The following ARHGAP42 variants were observed in gnomAD, a reference collection of about 807,000 sequenced individuals.
ARHGAP42 encodes rho GTPase-activating protein 42.
In ARHGAP42, 63 loss-of-function variants were observed where a neutral mutation model predicts 125.0. The observed-to-expected ratio is 0.50, with a 90% CI of 0.41 to 0.62. The LOEUF is 0.62. Ranked by LOEUF, ARHGAP42 falls within the 20% of genes least tolerant of loss-of-function variation. The pLI, the probability that ARHGAP42 is intolerant of heterozygous loss-of-function variation, is 0.00. For missense variants in ARHGAP42, 766 were observed against 1,024.2 expected, an observed-to-expected ratio of 0.75 and a Z score of 3.44; for synonymous variants, 339 against 351.0, an observed-to-expected ratio of 0.97 and a Z score of 0.38.
At chr11:100,748,968 GTCTC>G (rs1565553936) in intron 1 of ARHGAP42, among the ~76,000 whole-genome samples, 1 of 151,592 alleles carries the variant, frequency 6.6e-6, no homozygotes, top group Non-Finnish European at 1.5e-5. Context: ...CTCCCTCTTT[GTCTC>G]TCTGTCTCTT....
chr11:100,761,514 C>A (rs1451541207), intron 1 of ARHGAP42, among the ~76,000 whole-genome samples: 1 of 152,114 alleles, frequency 6.6e-6, no homozygotes, highest in Admixed American at 6.5e-5. Flanking sequence ...TGTGGTTTTT[C>A]ATTTTTAATT....
At chr11:100,751,651 T>A (rs1267733211) in intron 1 of ARHGAP42, among the ~76,000 whole-genome samples, 1 of 151,702 alleles carries the variant, frequency 6.6e-6, no homozygotes, top group Non-Finnish European at 1.5e-5. Context: ...TGAAACACAC[T>A]GAGGTCTTAA....
intron 12 of ARHGAP42, among the ~76,000 whole-genome samples, chr11:100,951,401 T>A (rs1314050011): frequency 6.6e-6 from 1 of 152,182 alleles, no homozygotes; most frequent in East Asian, 1.9e-4. Context: ...ATGTTCATTC[T>A]AAATAATTAC....
intron 2 of ARHGAP42, among the ~76,000 whole-genome samples, chr11:100,777,936 G>T (rs1727259040): frequency 6.6e-6 from 1 of 152,114 alleles, no homozygotes; most frequent in African/African-American, 2.4e-5. Context: ...TAATCCTAGT[G>T]CTTGCAGAAG....
At chr11:100,776,878 G>C (rs1591172321) in intron 2 of ARHGAP42, among the ~76,000 whole-genome samples, 3 of 151,490 alleles carry the variant, frequency 2.0e-5, no homozygotes, top group Admixed American at 1.3e-4. Context: ...AGCTACTCGG[G>C]AAGCTGAGGC....
In ARHGAP42 at chr11:100,989,017, A is replaced by G. The variant is rs1320321059; in HGVS notation, c.*216A>G. 3 of 492,930 alleles carry G rather than the reference A, an allele frequency of 6.1e-6. No homozygotes were observed. The highest frequency in any genetic ancestry group is 1.1e-5 in the Non-Finnish European group (3 of 275,044). 30.5% of individuals were successfully genotyped at this position (492,930 alleles called of 1,614,324 possible). A position where few individuals can be genotyped will look rare whatever the true frequency, so the allele number is the denominator to read the frequency against. On this transcript the variant is annotated 3_prime_UTR_variant, in exon 24 of 24. Transcript: ENST00000298815. Reference sequence around the variant, plus strand: ...TTTGGTTGGTTTCTTATTTTAAAATATCTTACTTGTGAAAAATGTGTTTTT... The same window carrying G: ...TTTGGTTGGTTTCTTATTTTAAAATGTCTTACTTGTGAAAAATGTGTTTTT...
intron 14 of ARHGAP42, 62 bp downstream of exon 14, chr11:100,961,051 G>A (rs1018280242): frequency 1.5e-5 from 16 of 1,062,176 alleles, no homozygotes; most frequent in Admixed American, 1.4e-4. Flanking sequence ...CTAAAGTATG[G>A]ACTTCTTTGA....
At position 100,921,446 on chromosome 11, in the gene ARHGAP42, C is replaced by CTCTCTA. The variant is rs763783297; in HGVS notation, c.487-46_487-41dup. Reference sequence around the variant, plus strand: ...AGATACCAGAGCAGGAATTGAGTCCCTCTCTATGTAGAACCATCAGTAATC... The same window carrying CTCTCTA: ...AGATACCAGAGCAGGAATTGAGTCCCTCTCTATCTCTATGTAGAACCATCAGTAATC... On this transcript the variant is annotated intron_variant, in intron 5 of 23. Coordinates refer to ENST00000298815, the MANE Select transcript of ARHGAP42 (RefSeq NM_152432.4). 4.5e-6 allele frequency: 6 copies of CTCTCTA among 1,328,976 alleles called. No individual in the cohort carries two copies. In the African/African-American group the frequency reaches 9.1e-5, roughly 20 times the overall value. 82.3% of individuals were successfully genotyped at this position (1,328,976 alleles called of 1,614,324 possible).
intron 1 of ARHGAP42, among the ~76,000 whole-genome samples, chr11:100,715,216 G>GA (rs1367357428): frequency 2.0e-5 from 3 of 152,094 alleles, no homozygotes; most frequent in African/African-American, 7.2e-5. Context: ...AAACTTGGTG[G>GA]AAGAAGTATT....
chr11:100,687,924 C>T, intron 1 of ARHGAP42, 92 bp downstream of exon 1: 1 of 1,377,750 alleles, frequency 7.3e-7, no homozygotes, highest in Non-Finnish European at 9.7e-7. Flanking sequence ...GTCGGAGCTT[C>T]TTTTGTTTGA....
chr11:100,962,326 C>T (rs1487197723), intron 15 of ARHGAP42, 83 bp from the exon 16 acceptor site: 3 of 1,071,822 alleles, frequency 2.8e-6, no homozygotes, highest in East Asian at 2.7e-5. Context: ...TAACAGTCAC[C>T]TAATTCTTAA....
intron 22 of ARHGAP42, among the ~76,000 whole-genome samples, chr11:100,985,727 C>A (rs561673153): frequency 7.2e-4 from 110 of 152,208 alleles, no homozygotes; most frequent in Non-Finnish European, 1.5e-3. Flanking sequence ...TCTGAAAGTA[C>A]AGCCTGAGGC....
Position 100,964,763 on chromosome 11 carries a change from A to ATGGT in ARHGAP42, c.1445-905_1445-904insTTGG, listed in dbSNP as rs1361919103. ...ACATTTTACATTTACCGTTGTCATTATGGGCTAAAAATCTGTTGGGCTTGT... is the reference window on the plus strand; with the variant it reads ...ACATTTTACATTTACCGTTGTCATTATGGTTGGGCTAAAAATCTGTTGGGCTTGT... On this transcript the variant is annotated intron_variant, in intron 16 of 23. Coordinates refer to ENST00000298815, the MANE Select transcript of ARHGAP42 (RefSeq NM_152432.4). Among the ~76,000 whole-genome samples, 4 of 152,282 alleles carry ATGGT rather than the reference A, an allele frequency of 2.6e-5. No homozygotes were observed. The South Asian group carries it at 8.3e-4, about 32-fold the overall frequency.
intron 4 of ARHGAP42, among the ~76,000 whole-genome samples, chr11:100,862,176 C>T (rs1043909903): frequency 3.9e-5 from 6 of 152,092 alleles, no homozygotes; most frequent in Non-Finnish European, 7.4e-5. Context: ...AGTGTTATAC[C>T]TGCTTACAAA....
In ARHGAP42 at chr11:100,965,795, T is replaced by C; in HGVS notation, c.1550+19T>C. 6.5e-7 allele frequency: 1 copy of C among 1,529,288 alleles called. No homozygotes were observed. The highest frequency in any genetic ancestry group is 8.9e-7 in the Non-Finnish European group (1 of 1,127,094). The allele number at this position is 1,529,288 out of a possible 1,614,324, so 94.7% of individuals were successfully genotyped here. On this transcript the variant is annotated intron_variant, in intron 17 of 23. Coordinates refer to ENST00000298815, the MANE Select transcript of ARHGAP42 (RefSeq NM_152432.4). ...TGGTCAAGTAATTCTCTAACTTACA[T>C]TGTTCATTTAACTTATTGTTCATTG...
At chr11:100,899,969 T>C (rs540762808) in intron 4 of ARHGAP42, among the ~76,000 whole-genome samples, 2 of 152,294 alleles carry the variant, frequency 1.3e-5, no homozygotes, top group South Asian at 4.1e-4. Flanking sequence ...CTGGTTATTT[T>C]GCCCATTGAT....
intron 2 of ARHGAP42, among the ~76,000 whole-genome samples, chr11:100,776,389 C>T (rs1036837824): frequency 2.6e-5 from 4 of 152,036 alleles, no homozygotes; most frequent in African/African-American, 9.7e-5. Context: ...AAACATTTAC[C>T]AAGAAGGAGA....
chr11:100,748,829 C>A (rs1252826571), intron 1 of ARHGAP42, among the ~76,000 whole-genome samples: 3 of 152,202 alleles, frequency 2.0e-5, no homozygotes, highest in African/African-American at 7.2e-5. Context: ...TACAGGGTCA[C>A]GGAGAAGACC....
intron 1 of ARHGAP42, among the ~76,000 whole-genome samples, chr11:100,766,723 T>C (rs1252788721): frequency 6.6e-6 from 1 of 152,202 alleles, no homozygotes; most frequent in African/African-American, 2.4e-5. Context: ...TCATAACTTC[T>C]TTACCTTGAT....
Sources: allele counts gnomAD v4.1 joint callset (sites outside exome capture counted in the v4.1 genomes callset), GRCh38; gene constraint gnomAD v4.1.1; transcripts MANE v1.5; gene names NCBI Gene and HGNC (gene_info 2026-07-23, HGNC 2026-07-21).